ROBO2: variants seen among roughly 807,000 people sequenced by gnomAD.
ROBO2 encodes roundabout guidance receptor 2, also known as roundabout homolog 2.
ROBO2 carries 53 observed loss-of-function variants against 160.8 expected under a neutral mutation model. The observed-to-expected ratio is 0.33, with a 90% CI of 0.26 to 0.41. The LOEUF is 0.41. Ranked by LOEUF, ROBO2 falls within the 10% of genes least tolerant of loss-of-function variation. ROBO2 has a pLI of 1.00. For missense variants in ROBO2, 1,577 were observed against 1,722.4 expected (o/e 0.92, Z 1.49); for synonymous variants, 664 against 611.7 (o/e 1.09, Z -1.26).
At chr3:77,555,852 A>G (rs149319145) in intron 8 of ROBO2, among the ~76,000 whole-genome samples, 1 of 152,026 alleles carries the variant, frequency 6.6e-6, no homozygotes, top group African/African-American at 2.4e-5. Context: ...GTCATCTTTC[A>G]CCCATAACAT....
At chr3:77,574,801 TCTTC>T in intron 14 of ROBO2, 71 bp downstream of exon 15, 1 of 1,115,544 alleles carries the variant, frequency 9.0e-7, no homozygotes. Flanking sequence ...CTATTTGTTA[TCTTC>T]CTTAGAAGAA....
intron 2 of ROBO2, among the ~76,000 whole-genome samples, chr3:77,155,637 A>G (rs779547813): frequency 1.3e-5 from 2 of 152,046 alleles, no homozygotes; most frequent in Non-Finnish European, 2.9e-5. Context: ...CAACAGCAAC[A>G]GAAAACGAAT....
intron 2 of ROBO2, among the ~76,000 whole-genome samples, chr3:76,922,633 T>A (rs1221325632): frequency 6.6e-6 from 1 of 152,186 alleles, no homozygotes; most frequent in Non-Finnish European, 1.5e-5. Flanking sequence ...AACGACCTAT[T>A]TTATCGACCC....
intron 2 of ROBO2, among the ~76,000 whole-genome samples, chr3:76,496,903 C>T (rs184413385): frequency 9.2e-5 from 14 of 152,264 alleles, no homozygotes; most frequent in African/African-American, 2.4e-5. Context: ...TTCACTCTTG[C>T]CCCTCTATGG....
chr3:76,253,338 C>T (rs1333377847), intron 2 of ROBO2, among the ~76,000 whole-genome samples: 3 of 151,904 alleles, frequency 2.0e-5, no homozygotes, highest in Admixed American at 1.3e-4. Context: ...AGTGACATGA[C>T]CACAGCTCAC....
chr3:76,541,101 A>AT (rs1560118032), intron 2 of ROBO2, among the ~76,000 whole-genome samples: 1 of 152,238 alleles, frequency 6.6e-6, no homozygotes, highest in Non-Finnish European at 1.5e-5. Flanking sequence ...AATGAAGCCA[A>AT]TTCGACTTTT....
At chr3:77,049,987 A>C (rs1004332672) in intron 1 of ROBO2, among the ~76,000 whole-genome samples, 9 of 152,230 alleles carry the variant, frequency 5.9e-5, no homozygotes, top group Admixed American at 1.3e-4. Flanking sequence ...AAAGTTTATA[A>C]GTTTTTATAA....
intron 2 of ROBO2, among the ~76,000 whole-genome samples, chr3:76,141,327 A>G (rs1179722276): frequency 6.7e-6 from 1 of 150,162 alleles, no homozygotes; most frequent in African/African-American, 2.5e-5. Context: ...CAAAGTTAGG[A>G]AGGAAAGACA....
At chr3:76,916,284 C>T (rs777792830) in intron 2 of ROBO2, among the ~76,000 whole-genome samples, 6 of 152,076 alleles carry the variant, frequency 3.9e-5, no homozygotes, top group African/African-American at 1.4e-4. Context: ...TGGTTAAGAA[C>T]GTCTGAGTGA....
intron 1 of ROBO2, among the ~76,000 whole-genome samples, chr3:77,061,751 G>C (rs1197891635): frequency 6.6e-6 from 1 of 152,074 alleles, no homozygotes; most frequent in Admixed American, 6.6e-5. Context: ...AGCTTCCCTT[G>C]GTCCTGTCAA....
chr3:76,758,318 G>A lies in ROBO2; in HGVS notation c.110-339696G>A, dbSNP rs114803636. Among the ~76,000 whole-genome samples, 578 of 151,826 alleles carry A rather than the reference G, an allele frequency of 3.8e-3. 6 individuals are homozygous for A. The highest frequency in any genetic ancestry group is 0.013 in the African/African-American group (547 of 41,462). ...TGGGAAAAGATCTTAAAGACTAGAT[G>A]AGACAAGCTTGCCTGTACTAAAACA... On this transcript the variant is annotated intron_variant, in intron 2 of 26. Coordinates refer to the ROBO2 transcript ENST00000487694.
Position 77,180,416 on chromosome 3 carries a change from C to CTCTCTATATATATA in ROBO2, c.388+82077_388+82078insCTCTATATATATAT, listed in dbSNP as rs1433740534. On this transcript the variant is annotated intron_variant, in intron 2 of 25. Coordinates refer to ENST00000461745, the Ensembl canonical transcript of ROBO2. ...TCTCTCTCTCTCTCTCTCTCTCTCTCTATATATATATATATGTATTTTTTT... is the reference window on the plus strand; with the variant it reads ...TCTCTCTCTCTCTCTCTCTCTCTCTCTCTCTATATATATATATATATATATATATGTATTTTTTT... Among the ~76,000 whole-genome samples the CTCTCTATATATATA allele has an allele frequency of 3.3e-4, 30 of 90,722 alleles. 1 individual carries two copies. The highest frequency in any genetic ancestry group is 1.5e-3 in the South Asian group (4 of 2,660). The allele number at this position is 90,722 out of a possible 152,430, so 59.5% of individuals were successfully genotyped here.
chr3:76,273,120 A>AATATATATATATATATATATATAT (rs749043409), intron 2 of ROBO2, among the ~76,000 whole-genome samples: 12 of 32,354 alleles, frequency 3.7e-4, no homozygotes, highest in African/African-American at 5.7e-4. Context: ...CACACATATA[A>AATATATATATATATATATATATAT]ATATATATAT....
intron 2 of ROBO2, among the ~76,000 whole-genome samples, chr3:76,716,455 T>TGG (rs2093380791): frequency 2.0e-5 from 3 of 152,218 alleles, no homozygotes; most frequent in Non-Finnish European, 2.9e-5. Context: ...TATTAAAAAA[T>TGG]CTCTGCCCTT....
At chr3:77,222,140 C>T (rs1051954323) in intron 2 of ROBO2, among the ~76,000 whole-genome samples, 5 of 152,194 alleles carry the variant, frequency 3.3e-5, no homozygotes, top group Admixed American at 6.5e-5. Context: ...CATGAGCCAC[C>T]GTGCCCGGCC....
At chr3:77,433,494 A>ATATATATATATATATATATATATATATC (rs2078993546) in intron 2 of ROBO2, among the ~76,000 whole-genome samples, 1 of 107,914 alleles carries the variant, frequency 9.3e-6, no homozygotes, top group Non-Finnish European at 1.9e-5. Flanking sequence ...TTGTATATAT[A>ATATATATATATATATATATATATATATC]TATATATATA....
intron 2 of ROBO2, among the ~76,000 whole-genome samples, chr3:77,212,381 C>G (rs370205420): frequency 2.2e-4 from 34 of 151,894 alleles, no homozygotes; most frequent in Non-Finnish European, 4.4e-4. Flanking sequence ...CTGTTTGTCT[C>G]TTATTGGTGT....
At chr3:77,437,047 G>T (rs927396530) in intron 2 of ROBO2, among the ~76,000 whole-genome samples, 1 of 151,870 alleles carries the variant, frequency 6.6e-6, no homozygotes, top group African/African-American at 2.4e-5. Flanking sequence ...TATGACAAAT[G>T]GAATTCATGC....
chr3:76,731,017 CTCACCTCCTACTCCCTACCCGCTTTTCT>C lies in ROBO2; in HGVS notation c.110-366986_110-366959del, dbSNP rs1560460348. Among the ~76,000 whole-genome samples the C allele has an allele frequency of 7.0e-4, 105 of 149,056 alleles. 2 individuals carry two copies. The highest frequency in any genetic ancestry group is 2.5e-3 in the African/African-American group (102 of 40,382). ...ACCTCCTACTCCCTACCCGCTTTTC[CTCACCTCCTACTCCCTACCCGCTTTTCT>C]TCACCTCCTATTCCCTACCCGCTTT... On this transcript the variant is annotated intron_variant, in intron 2 of 26. Coordinates refer to the ROBO2 transcript ENST00000487694.
Sources: allele counts gnomAD v4.1 joint callset (sites outside exome capture counted in the v4.1 genomes callset), GRCh38; gene constraint gnomAD v4.1.1; transcripts MANE v1.5; gene names NCBI Gene and HGNC (gene_info 2026-07-23, HGNC 2026-07-21).